The following AGPAT5 variants were observed in gnomAD, a reference collection of about 807,000 sequenced individuals.
AGPAT5 encodes the protein 1-acyl-sn-glycerol-3-phosphate acyltransferase epsilon.
In AGPAT5, 46 loss-of-function variants were observed where a neutral mutation model predicts 45.6. The ratio of observed to expected loss-of-function variants is 1.01; its 90% confidence interval spans 0.80 to 1.29. The LOEUF is 1.29. Among genes scored for constraint, AGPAT5 ranks in the 50% most tolerant of loss-of-function variants. The pLI is 0.00. For missense variants in AGPAT5, 673 were observed against 450.7 expected (o/e 1.49, Z -4.47); for synonymous variants, 272 against 167.0 (o/e 1.63, Z -4.85).
Position 6,759,672 on chromosome 8 carries a change from T to TG in AGPAT5, c.*2285dup, listed in dbSNP as rs1316801172. 1 of 152,186 alleles carries TG rather than the reference T, an allele frequency of 6.6e-6. No individual in the cohort carries two copies. Among genetic ancestry groups the TG allele is most frequent in the African/African-American group, 2.4e-5 (1 of 41,454 alleles). 9.4% of individuals were successfully genotyped at this position (152,186 alleles called of 1,614,324 possible). A position where few individuals can be genotyped will look rare whatever the true frequency, so the allele number is the denominator to read the frequency against. ...AATCTTTCACTGTCTCTAATGGCTG[T>TG]GCTGTTTAACATTTTTTGACCCTAA... On this transcript the variant is annotated 3_prime_UTR_variant, in exon 8 of 8. Coordinates refer to ENST00000285518, the MANE Select transcript of AGPAT5 (RefSeq NM_018361.5).
At chr8:6,753,376 T>G (rs2116962392) in intron 6 of AGPAT5, among the ~76,000 whole-genome samples, 1 of 152,306 alleles carries the variant, frequency 6.6e-6, no homozygotes, top group South Asian at 2.1e-4. Flanking sequence ...TATGGAAATG[T>G]TGAGGTGGAG....
intron 4 of AGPAT5, among the ~76,000 whole-genome samples, chr8:6,741,451 T>C (rs1801242567): frequency 6.6e-6 from 1 of 152,106 alleles, no homozygotes; most frequent in Non-Finnish European, 1.5e-5. Flanking sequence ...AATGTAGCAC[T>C]GCATTTAAAA....
chr8:6,715,610 G>A (rs1163502829), intron 1 of AGPAT5, among the ~76,000 whole-genome samples: 1 of 152,208 alleles, frequency 6.6e-6, no homozygotes, highest in Non-Finnish European at 1.5e-5. Flanking sequence ...CTAGCCAGGA[G>A]TTTCAGGCAC....
At chr8:6,724,225 C>T (rs1400203311) in intron 1 of AGPAT5, among the ~76,000 whole-genome samples, 3 of 152,148 alleles carry the variant, frequency 2.0e-5, no homozygotes, top group Non-Finnish European at 4.4e-5. Context: ...TTCTGCCATT[C>T]CAGTTCAGAG....
intron 6 of AGPAT5, among the ~76,000 whole-genome samples, chr8:6,748,129 A>G (rs184625544): frequency 2.2e-4 from 34 of 152,278 alleles, no homozygotes; most frequent in Admixed American, 4.6e-4. Flanking sequence ...AGACGTGAAG[A>G]AGGAGCACGC....
chr8:6,716,860 C>G (rs1587003508), intron 1 of AGPAT5, among the ~76,000 whole-genome samples: 2 of 152,156 alleles, frequency 1.3e-5, no homozygotes, highest in African/African-American at 2.4e-5. Flanking sequence ...CAAAACAAAA[C>G]AGAGAGAAAA....
At chr8:6,715,121 G>C (rs541661899) in intron 1 of AGPAT5, among the ~76,000 whole-genome samples, 3 of 152,116 alleles carry the variant, frequency 2.0e-5, no homozygotes, top group African/African-American at 4.8e-5. Context: ...TACAATGTTT[G>C]ATAGACAATG....
intron 4 of AGPAT5, among the ~76,000 whole-genome samples, chr8:6,739,486 A>G (rs1801165753): frequency 6.6e-6 from 1 of 152,024 alleles, no homozygotes; most frequent in East Asian, 1.9e-4. Flanking sequence ...TAATGTACAG[A>G]TTTGCACATC....
intron 1 of AGPAT5, among the ~76,000 whole-genome samples, chr8:6,714,018 G>A (rs1368113399): frequency 6.6e-6 from 1 of 152,198 alleles, no homozygotes; most frequent in Admixed American, 6.5e-5. Context: ...TCATTAGAAT[G>A]AAACATGTTT....
Position 6,760,049 on chromosome 8 carries a change from G to C in AGPAT5, c.*2661G>C, listed in dbSNP as rs990175724. Among the ~76,000 whole-genome samples, 2 of 152,210 alleles carry C rather than the reference G, an allele frequency of 1.3e-5. No homozygotes were observed. The highest frequency in any genetic ancestry group is 1.9e-4 in the East Asian group (1 of 5,194). ...ATTTCCATGTGATTTTTAAAATTTA[G>C]AGTGGCAACAATTTTGCTTAATATG... On this transcript the variant is annotated 3_prime_UTR_variant, in exon 8 of 8. Coordinates refer to ENST00000285518, the MANE Select transcript of AGPAT5 (RefSeq NM_018361.5).
chr8:6,735,147 A>G (rs1468834712), intron 4 of AGPAT5, among the ~76,000 whole-genome samples: 2 of 152,084 alleles, frequency 1.3e-5, no homozygotes, highest in Non-Finnish European at 2.9e-5. Context: ...TCCTGCCTTT[A>G]CTAAGAGTTT....
chr8:6,754,608 C>T (rs1218606258), intron 6 of AGPAT5, among the ~76,000 whole-genome samples: 3 of 152,106 alleles, frequency 2.0e-5, no homozygotes, highest in African/African-American at 7.2e-5. Context: ...CCCTGTGGAG[C>T]TCGCAGTCTG....
chr8:6,736,199 G>A (rs1273628906), intron 4 of AGPAT5, among the ~76,000 whole-genome samples: 1 of 152,074 alleles, frequency 6.6e-6, no homozygotes, highest in Non-Finnish European at 1.5e-5. Flanking sequence ...ACATAACATG[G>A]TATATATTTG....
At chr8:6,710,330 G>A (rs1230565202) in intron 1 of AGPAT5, among the ~76,000 whole-genome samples, 3 of 152,164 alleles carry the variant, frequency 2.0e-5, no homozygotes, top group Non-Finnish European at 4.4e-5. Flanking sequence ...TTCCCAGCAA[G>A]TGATTTTGAA....
At position 6,724,839 on chromosome 8, in the gene AGPAT5, C is replaced by G. The variant is rs190645487; in HGVS notation, c.220-31C>G. ...GTATATTACAGATGTTTTAAAATAT[C>G]AAAGTAATGTTTTTTTGTTTTATCT... On this transcript the variant is annotated intron_variant, in intron 1 of 7. Transcript: ENST00000285518. 40 of 712,124 alleles carry G rather than the reference C, an allele frequency of 5.6e-5. No individual in the cohort carries two copies. In the East Asian group the frequency reaches 1.1e-3, roughly 20 times the overall value. The allele number at this position is 712,124 out of a possible 1,614,324, so 44.1% of individuals were successfully genotyped here. A position where few individuals can be genotyped will look rare whatever the true frequency, so the allele number is the denominator to read the frequency against.
chr8:6,755,738 T>G (rs996405809), intron 7 of AGPAT5, among the ~76,000 whole-genome samples: 1 of 152,266 alleles, frequency 6.6e-6, no homozygotes, highest in Admixed American at 6.5e-5. Flanking sequence ...CAAGAAACTA[T>G]CATTGTTCTT....
Position 6,746,970 on chromosome 8 carries a change from C to G in AGPAT5, c.587-700C>G, listed in dbSNP as rs146582739. ...CTGGATAATTGCAGTAGTCCCCCAGCTAAAGAACCTTTTAAAAATATGTCA... is the reference window on the plus strand; with the variant it reads ...CTGGATAATTGCAGTAGTCCCCCAGGTAAAGAACCTTTTAAAAATATGTCA... On this transcript the variant is annotated intron_variant, in intron 5 of 7. Coordinates refer to ENST00000285518, the MANE Select transcript of AGPAT5 (RefSeq NM_018361.5). Among the ~76,000 whole-genome samples, 22 of 152,286 alleles carry G rather than the reference C, an allele frequency of 1.4e-4. No individual in the cohort carries two copies. In the East Asian group the frequency reaches 2.9e-3, roughly 20 times the overall value.
chr8:6,735,819 CAG>C (rs1425634177), intron 4 of AGPAT5, among the ~76,000 whole-genome samples: 2 of 145,030 alleles, frequency 1.4e-5, no homozygotes, highest in African/African-American at 2.5e-5. Context: ...TCAGAAAGAA[CAG>C]AGTGTTCCTG....
At chr8:6,709,051 G>C (rs768168185) in intron 1 of AGPAT5, 164 bp downstream of exon 1, 1 of 753,506 alleles carries the variant, frequency 1.3e-6, no homozygotes, top group East Asian at 2.7e-5. Flanking sequence ...GCTTCCTGCC[G>C]TTCTGCCGAG....
Sources: allele counts gnomAD v4.1 joint callset (sites outside exome capture counted in the v4.1 genomes callset), GRCh38; gene constraint gnomAD v4.1.1; transcripts MANE v1.5; gene names NCBI Gene and HGNC (gene_info 2026-07-23, HGNC 2026-07-21).